Variants in FAM110B observed in about 807,000 individuals in gnomAD.
FAM110B encodes the protein family with sequence similarity 110 member B.
Under a neutral mutation model 20.4 loss-of-function variants are expected in FAM110B, and 6 were observed. The ratio of observed to expected loss-of-function variants is 0.29; its 90% CI spans 0.16 to 0.58. The LOEUF (loss-of-function observed/expected upper bound fraction) is 0.58, where lower values mean the gene tolerates loss of function less well. Among genes scored for constraint, FAM110B ranks in the 20% least tolerant of loss-of-function variants. FAM110B has a pLI of 0.90. For synonymous variants in FAM110B, 226 were observed against 214.1 expected (o/e 1.06, Z -0.49); for missense variants, 434 against 498.2 (o/e 0.87, Z 1.23).
chr8:58,056,756 G>GT (rs1254920395), intron 2 of FAM110B, among the ~76,000 whole-genome samples: 1 of 152,202 alleles, frequency 6.6e-6, no homozygotes, highest in Non-Finnish European at 1.5e-5. Context: ...CTGATGCTCA[G>GT]TTTTTTGTAG....
chr8:58,032,494 C>G (rs887104627), intron 2 of FAM110B: 1 of 152,168 alleles, frequency 6.6e-6, no homozygotes, highest in African/African-American at 2.4e-5. Context: ...TTTCTCCATG[C>G]ACATACTAAT....
intron 3 of FAM110B, among the ~76,000 whole-genome samples, chr8:58,144,909 A>G (rs1010695143): frequency 6.6e-6 from 1 of 152,226 alleles, no homozygotes; most frequent in African/African-American, 2.4e-5. Context: ...TAAACGTTCA[A>G]CTATTGACAA....
At chr8:58,100,823 T>TA (rs1367090440) in intron 3 of FAM110B, 3 of 152,288 alleles carry the variant, frequency 2.0e-5, no homozygotes, top group Admixed American at 2.0e-4. Context: ...GGTTAGAACT[T>TA]ACACTAATGA....
intron 3 of FAM110B, among the ~76,000 whole-genome samples, chr8:58,080,933 G>A (rs1156983960): frequency 1.3e-5 from 2 of 152,128 alleles, no homozygotes; most frequent in Non-Finnish European, 2.9e-5. Flanking sequence ...TTAAAACCAA[G>A]CTCCACATCA....
At chr8:57,996,761 G>GT (rs1804191803) in intron 1 of FAM110B, among the ~76,000 whole-genome samples, 2 of 152,120 alleles carry the variant, frequency 1.3e-5, no homozygotes, top group South Asian at 4.1e-4. Context: ...AGAACCGTTG[G>GT]TACAGCAGAG....
At chr8:58,108,545 G>T (rs1451107498) in intron 3 of FAM110B, among the ~76,000 whole-genome samples, 1 of 152,198 alleles carries the variant, frequency 6.6e-6, no homozygotes, top group Non-Finnish European at 1.5e-5. Context: ...CTTGGATCGA[G>T]GCTGCTCCTG....
intron 1 of FAM110B, among the ~76,000 whole-genome samples, chr8:58,013,945 C>T (rs566033585): frequency 2.8e-4 from 43 of 152,282 alleles, no homozygotes; most frequent in African/African-American, 9.9e-4. Flanking sequence ...GCATGCCTGT[C>T]ACTGTGCTGT....
chr8:58,040,568 C>A (rs1395934016), intron 2 of FAM110B, among the ~76,000 whole-genome samples: 3 of 152,244 alleles, frequency 2.0e-5, no homozygotes, highest in African/African-American at 7.2e-5. Flanking sequence ...CACCCAGAAC[C>A]AAATGCCTAC....
chr8:58,015,577 G>A (rs1804621795), intron 1 of FAM110B, among the ~76,000 whole-genome samples: 1 of 151,980 alleles, frequency 6.6e-6, no homozygotes, highest in Non-Finnish European at 1.5e-5. Context: ...CGGGCATGGT[G>A]ACTCATGCCT....
chr8:58,098,662 CCCTGGTGGCATAGGCACCAGAAGGAATCT>C (rs1806695385), intron 3 of FAM110B, among the ~76,000 whole-genome samples: 1 of 152,174 alleles, frequency 6.6e-6, no homozygotes, highest in Non-Finnish European at 1.5e-5. Context: ...GAAACCAGGG[CCCTGGTGGCATAGGCACCAGAAGGAATCT>C]CCTGTTCTGA....
intron 1 of FAM110B, among the ~76,000 whole-genome samples, chr8:58,018,387 T>C (rs1804679380): frequency 6.6e-6 from 1 of 152,180 alleles, no homozygotes; most frequent in South Asian, 2.1e-4. Flanking sequence ...TAAAGTTTAC[T>C]TTGTCTGATA....
chr8:58,132,151 T>C (rs543125583), intron 3 of FAM110B, among the ~76,000 whole-genome samples: 153 of 152,254 alleles, frequency 1.0e-3, no homozygotes, highest in African/African-American at 3.3e-3. Context: ...CTGCCTCATA[T>C]TGGATTCATT....
chr8:58,107,535 G>A (rs553454577), intron 3 of FAM110B, among the ~76,000 whole-genome samples: 2 of 152,322 alleles, frequency 1.3e-5, no homozygotes, highest in East Asian at 3.9e-4. Flanking sequence ...TATGCATGCA[G>A]AATGTTTTGA....
chr8:58,028,367 A>G (rs1284924939), intron 1 of FAM110B, among the ~76,000 whole-genome samples: 1 of 152,186 alleles, frequency 6.6e-6, no homozygotes, highest in Non-Finnish European at 1.5e-5. Context: ...CGGCCTCCCA[A>G]AGTGCTTGGA....
chr8:58,052,535 G>T (rs1424512324), intron 2 of FAM110B, among the ~76,000 whole-genome samples: 2 of 152,048 alleles, frequency 1.3e-5, no homozygotes, highest in East Asian at 3.9e-4. Context: ...TTCTGTCCTT[G>T]TGAGGCTTAT....
intron 2 of FAM110B, among the ~76,000 whole-genome samples, chr8:58,044,205 A>G (rs1298734114): frequency 6.6e-6 from 1 of 152,214 alleles, no homozygotes; most frequent in African/African-American, 2.4e-5. Flanking sequence ...ATATACTCAT[A>G]CAAGTGAATA....
At chr8:58,031,879 C>T (rs916247701) in intron 2 of FAM110B, among the ~76,000 whole-genome samples, 176 bp downstream of exon 2, 3 of 152,202 alleles carry the variant, frequency 2.0e-5, no homozygotes, top group East Asian at 3.9e-4. Flanking sequence ...CTCCCCCTTC[C>T]TTTTCATATA....
intron 3 of FAM110B, among the ~76,000 whole-genome samples, chr8:58,112,256 G>A (rs914195817): frequency 6.6e-6 from 1 of 152,190 alleles, no homozygotes; most frequent in Non-Finnish European, 1.5e-5. Flanking sequence ...TTGAACCCAG[G>A]AGGCGGAGGT....
At chr8:58,075,262 C>CTTT (rs67819278) in intron 2 of FAM110B, among the ~76,000 whole-genome samples, 3 of 125,010 alleles carry the variant, frequency 2.4e-5, no homozygotes, top group African/African-American at 6.8e-5. Context: ...CTAATTTTTG[C>CTTT]TTTTTTTTTT....
Sources: allele counts gnomAD v4.1 joint callset (sites outside exome capture counted in the v4.1 genomes callset), GRCh38; gene constraint gnomAD v4.1.1; transcripts MANE v1.5; gene names NCBI Gene and HGNC (gene_info 2026-07-23, HGNC 2026-07-21).